SH3GL3: variants seen among roughly 807,000 people sequenced by gnomAD.
SH3GL3 encodes SH3 domain containing GRB2 like 3, endophilin A3, also known as endophilin-A3.
In SH3GL3, 33 loss-of-function variants were observed where a neutral mutation model predicts 47.7. The observed-to-expected ratio is 0.69, with a 90% confidence interval of 0.52 to 0.92. SH3GL3 has a LOEUF of 0.92. SH3GL3 is among the 40% of genes least tolerant of loss of function. The pLI, the probability that SH3GL3 is intolerant of heterozygous loss-of-function variation, is 0.00. For missense variants in SH3GL3, 363 were observed against 417.8 expected (o/e 0.87, Z 1.14); for synonymous variants, 155 against 148.8 (o/e 1.04, Z -0.30).
intron 1 of SH3GL3, among the ~76,000 whole-genome samples, chr15:83,543,337 CATG>C (rs905883406): frequency 1.3e-5 from 2 of 152,038 alleles, no homozygotes; most frequent in African/African-American, 4.8e-5. Flanking sequence ...CCTACTTGGT[CATG>C]ATGAATAATC....
chr15:83,483,392 TAGTGCA>T (rs747202968), intron 1 of SH3GL3, among the ~76,000 whole-genome samples: 8 of 152,242 alleles, frequency 5.3e-5, no homozygotes, highest in Non-Finnish European at 1.2e-4. Flanking sequence ...GAAATGTGGC[TAGTGCA>T]AGTGAGATGG....
intron 1 of SH3GL3, among the ~76,000 whole-genome samples, chr15:83,499,135 C>A (rs557620041): frequency 6.6e-6 from 1 of 152,126 alleles, no homozygotes; most frequent in African/African-American, 2.4e-5. Context: ...GTTCTTACAG[C>A]GTTTTATACA....
At chr15:83,555,604 T>C (rs56026818) in intron 1 of SH3GL3, among the ~76,000 whole-genome samples, 21,875 of 152,206 alleles carry the variant, frequency 0.14, 2,032 homozygotes, top group Non-Finnish European at 0.2. Flanking sequence ...GGATGTGACT[T>C]GACTGATTCT....
Position 83,580,149 on chromosome 15 carries a change from A to G in SH3GL3, c.624+3408A>G, listed in dbSNP as rs545123063. Among the ~76,000 whole-genome samples the G allele has an allele frequency of 4.6e-5, 7 of 152,198 alleles. No individual in the cohort carries two copies. The East Asian group carries it at 1.4e-3, about 29-fold the overall frequency. ...GGTTTCCTGCTCCCTGTGAGTCACA[A>G]CCCGCACGTCCAACCTTGGTCACTC... On this transcript the variant is annotated intron_variant, in intron 6 of 8. Transcript: ENST00000427482.
At chr15:83,480,078 A>AT (rs2041278750) in intron 1 of SH3GL3, among the ~76,000 whole-genome samples, 1 of 152,170 alleles carries the variant, frequency 6.6e-6, no homozygotes, top group Non-Finnish European at 1.5e-5. Flanking sequence ...TAAGATGAAG[A>AT]TTTTTTGGAT....
chr15:83,451,086 G>C lies in SH3GL3; in HGVS notation c.45+3508G>C, dbSNP rs1305491191. Among the ~76,000 whole-genome samples the C allele has an allele frequency of 3.1e-5, 3 of 97,090 alleles. 1 individual carries two copies. The highest frequency in any genetic ancestry group is 1.2e-4 in the African/African-American group (3 of 25,406). 63.7% of individuals were successfully genotyped at this position (97,090 alleles called of 152,430 possible). A position where few individuals can be genotyped will look rare whatever the true frequency, so the allele number is the denominator to read the frequency against. Reference sequence around the variant, plus strand: ...TTTTTTGTTCTTGCGATAGTTTACTGAGAATGATGATTTCCAATTTCATCC... The same window carrying C: ...TTTTTTGTTCTTGCGATAGTTTACTCAGAATGATGATTTCCAATTTCATCC... On this transcript the variant is annotated intron_variant, in intron 1 of 8. Transcript: ENST00000427482.
At position 83,558,290 on chromosome 15, in the gene SH3GL3, G is replaced by A. The variant is rs549061612; in HGVS notation, c.46-963G>A. On this transcript the variant is annotated intron_variant, in intron 1 of 8. Transcript: ENST00000427482. ...AAGACTCTTTAGGGATCTCTCACTC[G>A]TACTCTTTAGCTTGGCATTTGAGAA... is the stretch of plus-strand genomic sequence containing the variant. Among the ~76,000 whole-genome samples the A allele has an allele frequency of 5.9e-5, 9 of 152,206 alleles. No individual in the cohort carries two copies. In the East Asian group the frequency reaches 1.5e-3, roughly 26 times the overall value.
chr15:83,449,636 T>C (rs2039636843), intron 1 of SH3GL3, among the ~76,000 whole-genome samples: 1 of 152,142 alleles, frequency 6.6e-6, no homozygotes, highest in South Asian at 2.1e-4. Context: ...AGAAATATTT[T>C]GCTAGTCATG....
intron 8 of SH3GL3, among the ~76,000 whole-genome samples, chr15:83,591,255 G>T (rs942676826): frequency 2.0e-5 from 3 of 152,282 alleles, no homozygotes; most frequent in Middle Eastern, 3.4e-3. Context: ...TGATCTGGCT[G>T]CCTCAGCCTC....
In SH3GL3 at chr15:83,448,442, ATGTGTG is replaced by A. The variant is rs71156081; in HGVS notation, c.45+898_45+903del. Among the ~76,000 whole-genome samples the A allele has an allele frequency of 0.2, 28,017 of 140,554 alleles. 2,809 individuals are homozygous for A. Among genetic ancestry groups the A allele is most frequent in the Middle Eastern group, 0.29 (79 of 272 alleles). 92.2% of individuals were successfully genotyped at this position (140,554 alleles called of 152,430 possible). A position where few individuals can be genotyped will look rare whatever the true frequency, so the allele number is the denominator to read the frequency against. On this transcript the variant is annotated intron_variant, in intron 1 of 8. Coordinates refer to ENST00000427482, the MANE Select transcript of SH3GL3 (RefSeq NM_003027.5). The surrounding 1 kb of genome is among the most constrained non-coding windows in gnomAD (Gnocchi z 4.2). ...AAACAGGAGGGGAGACATGAAATTG[ATGTGTG>A]TGTGTGTGTGTGTGTGTGTGTGTGT... is the stretch of plus-strand genomic sequence containing the variant.
At chr15:83,551,231 G>A (rs2044653239) in intron 1 of SH3GL3, among the ~76,000 whole-genome samples, 1 of 152,168 alleles carries the variant, frequency 6.6e-6, no homozygotes, top group South Asian at 2.1e-4. Context: ...TGGTGAACAA[G>A]GATTTTATCT....
At chr15:83,494,569 G>A (rs2042004563) in intron 1 of SH3GL3, among the ~76,000 whole-genome samples, 1 of 147,664 alleles carries the variant, frequency 6.8e-6, no homozygotes, top group Non-Finnish European at 1.5e-5. Flanking sequence ...TTTGAGGTGA[G>A]TCTTGCTCTG....
At chr15:83,569,594 A>G (rs982054379) in intron 4 of SH3GL3, among the ~76,000 whole-genome samples, 1 of 152,190 alleles carries the variant, frequency 6.6e-6, no homozygotes, top group Non-Finnish European at 1.5e-5. Context: ...CCTACCCTTC[A>G]GAAGGGTTAC....
chr15:83,626,692 G>A, the SH3GL3 span, among the ~76,000 whole-genome samples: 4 of 152,224 alleles, frequency 2.6e-5, no homozygotes, highest in Non-Finnish European at 5.9e-5. Flanking sequence ...TCAGGGATTA[G>A]AGTAGCACTT....
At chr15:83,524,762 G>A (rs1567301694) in intron 1 of SH3GL3, among the ~76,000 whole-genome samples, 1 of 151,936 alleles carries the variant, frequency 6.6e-6, no homozygotes, top group Admixed American at 6.6e-5. Flanking sequence ...GAGAATATAT[G>A]ATGTTTTTCT....
chr15:83,482,352 A>T lies in SH3GL3; in HGVS notation c.45+34774A>T, dbSNP rs536904213. Among the ~76,000 whole-genome samples, 47 of 152,158 alleles carry T rather than the reference A, an allele frequency of 3.1e-4. No individual in the cohort carries two copies. In the South Asian group the frequency reaches 9.1e-3, roughly 30 times the overall value. The stretch of plus-strand genomic sequence containing the variant: ...TCACAAATTAAATCCATTTTTTGGG[A>T]TATAAAGTAGGCTTTACTTTTTATA... On this transcript the variant is annotated intron_variant, in intron 1 of 8. Coordinates refer to ENST00000427482, the MANE Select transcript of SH3GL3 (RefSeq NM_003027.5).
intron 8 of SH3GL3, among the ~76,000 whole-genome samples, chr15:83,597,256 G>T (rs1052746237): frequency 3.3e-5 from 5 of 152,088 alleles, no homozygotes; most frequent in African/African-American, 1.2e-4. Context: ...AGATCTCCCT[G>T]CCTCCATTGT....
intron 8 of SH3GL3, among the ~76,000 whole-genome samples, chr15:83,608,316 A>G (rs999164007): frequency 1.3e-5 from 2 of 152,166 alleles, no homozygotes; most frequent in African/African-American, 4.8e-5. Flanking sequence ...AAATTTCCAG[A>G]TAAGGAAATC....
At chr15:83,534,787 T>C (rs1430101362) in intron 1 of SH3GL3, among the ~76,000 whole-genome samples, 1 of 152,190 alleles carries the variant, frequency 6.6e-6, no homozygotes, top group Non-Finnish European at 1.5e-5. Flanking sequence ...TCAAATACCA[T>C]ACTTAGCTTG....
Sources: allele counts gnomAD v4.1 joint callset (sites outside exome capture counted in the v4.1 genomes callset), GRCh38; gene constraint gnomAD v4.1.1; non-coding constraint Gnocchi (gnomAD v3.1); transcripts MANE v1.5; gene names NCBI Gene and HGNC (gene_info 2026-07-23, HGNC 2026-07-21).